The following PGM5 variants were observed in gnomAD, a reference collection of about 807,000 sequenced individuals.
PGM5 encodes phosphoglucomutase-like protein 5.
PGM5 carries 23 observed loss-of-function variants against 59.2 expected under a neutral mutation model. That is an observed-to-expected ratio of 0.39 (90% confidence interval 0.28 to 0.55). The LOEUF (loss-of-function observed/expected upper bound fraction) is 0.55. Among genes scored for constraint, PGM5 ranks in the 20% least tolerant of loss-of-function variants. The pLI, the probability that PGM5 is intolerant of heterozygous loss-of-function variation, is 0.66. For synonymous variants in PGM5, 214 were observed against 286.0 expected (o/e 0.75, Z 2.54); for missense variants, 574 against 748.3 (o/e 0.77, Z 2.72).
intron 7 of PGM5, chr9:68,466,271 T>G (rs537236710): frequency 0.011 from 3,913 of 348,618 alleles, 7 homozygotes; most frequent in Non-Finnish European, 0.015. Flanking sequence ...ATACTGTGTG[T>G]TTTTTTTTTT....
intron 7 of PGM5, among the ~76,000 whole-genome samples, chr9:68,475,385 C>A (rs1204889197): frequency 1.3e-5 from 2 of 151,682 alleles, no homozygotes; most frequent in East Asian, 1.9e-4. Flanking sequence ...GTTGTTATTG[C>A]GAAAATATTT....
At chr9:68,509,608 G>A (rs1210596848) in intron 10 of PGM5, among the ~76,000 whole-genome samples, 13 of 152,214 alleles carry the variant, frequency 8.5e-5, no homozygotes, top group African/African-American at 1.9e-4. Flanking sequence ...ACAGGGCCAC[G>A]CAGGGAAGCG....
chr9:68,499,191 T>C, intron 9 of PGM5, 36 bp from the exon 10 acceptor site: 1 of 1,611,932 alleles, frequency 6.2e-7, no homozygotes, highest in Admixed American at 1.7e-5. Flanking sequence ...TGTATTCATT[T>C]GCTCACTGCT....
At chr9:68,476,829 C>T (rs1466654198) in intron 7 of PGM5, among the ~76,000 whole-genome samples, 1 of 152,170 alleles carries the variant, frequency 6.6e-6, no homozygotes, top group African/African-American at 2.4e-5. Context: ...AACTTTATGT[C>T]CCTCTAGCAC....
chr9:68,472,837 G>A (rs1200861895), intron 7 of PGM5, among the ~76,000 whole-genome samples: 1 of 152,208 alleles, frequency 6.6e-6, no homozygotes, highest in Non-Finnish European at 1.5e-5. Context: ...TTGTGACACA[G>A]AATTATTCAC....
intron 2 of PGM5, among the ~76,000 whole-genome samples, chr9:68,380,362 G>A (rs1554678218): frequency 1.3e-5 from 2 of 151,872 alleles, no homozygotes; most frequent in African/African-American, 4.8e-5. Flanking sequence ...GGTCAAAGAA[G>A]AAATCAACAG....
chr9:68,518,563 AT>A (rs2132117542), intron 10 of PGM5, among the ~76,000 whole-genome samples: 1 of 152,368 alleles, frequency 6.6e-6, no homozygotes, highest in Admixed American at 6.5e-5. Context: ...AACTATAAAA[AT>A]ACACCAAGAT....
chr9:68,439,444 A>G (rs1209557458), intron 6 of PGM5, among the ~76,000 whole-genome samples: 1 of 146,416 alleles, frequency 6.8e-6, no homozygotes, highest in African/African-American at 2.5e-5. Flanking sequence ...AATATATATT[A>G]TATATGTAAA....
intron 3 of PGM5, among the ~76,000 whole-genome samples, chr9:68,385,945 G>C (rs1822206918): frequency 6.6e-6 from 1 of 151,724 alleles, no homozygotes; most frequent in South Asian, 2.1e-4. Context: ...TTCAAGTGTT[G>C]AGCAAAGCTT....
At chr9:68,383,001 C>T (rs1215722676) in intron 2 of PGM5, among the ~76,000 whole-genome samples, 16 of 152,012 alleles carry the variant, frequency 1.1e-4, no homozygotes, top group African/African-American at 3.4e-4. Context: ...AATGCAAAAA[C>T]GAAACAAGAC....
In PGM5 at chr9:68,520,744, G is replaced by A. The variant is rs773409978; in HGVS notation, c.1615-8823G>A. ...GGGAAGTCCTTTAATATCATAAAACGGTATTGCTAAAGAAAAAACCTGGAC... is the reference window on the plus strand; with the variant it reads ...GGGAAGTCCTTTAATATCATAAAACAGTATTGCTAAAGAAAAAACCTGGAC... On this transcript the variant is annotated intron_variant, in intron 10 of 10. Transcript: ENST00000396396. Among the ~76,000 whole-genome samples, 39 of 152,130 alleles carry A rather than the reference G, an allele frequency of 2.6e-4. 1 individual carries two copies. The highest frequency in any genetic ancestry group is 7.7e-4 in the East Asian group (4 of 5,202).
At chr9:68,456,205 G>A (rs1823771696) in intron 6 of PGM5, among the ~76,000 whole-genome samples, 2 of 151,712 alleles carry the variant, frequency 1.3e-5, no homozygotes, top group South Asian at 4.2e-4. Flanking sequence ...TAAAGTGAGT[G>A]TACCAACTTA....
At chr9:68,454,557 C>T (rs1554684645) in intron 6 of PGM5, among the ~76,000 whole-genome samples, 1 of 152,220 alleles carries the variant, frequency 6.6e-6, no homozygotes. Flanking sequence ...CCGATGCCCA[C>T]GGAGTGCTCT....
chr9:68,529,053 A>T (rs902412188), intron 10 of PGM5, among the ~76,000 whole-genome samples: 13 of 152,176 alleles, frequency 8.5e-5, no homozygotes, highest in African/African-American at 3.1e-4. Context: ...GGAAGGCATG[A>T]TCAGTCATTT....
chr9:68,482,951 T>C (rs114264160), intron 8 of PGM5, among the ~76,000 whole-genome samples: 451 of 152,366 alleles, frequency 3.0e-3, no homozygotes, highest in African/African-American at 0.01. Flanking sequence ...TTGTTACATT[T>C]AATACGCTTG....
At chr9:68,486,901 AG>A (rs1824305255) in intron 9 of PGM5, among the ~76,000 whole-genome samples, 1 of 152,332 alleles carries the variant, frequency 6.6e-6, no homozygotes, top group Middle Eastern at 3.4e-3. Flanking sequence ...ACAGTATATG[AG>A]GGTTCCAGTT....
At chr9:68,527,869 C>A (rs990266505) in intron 10 of PGM5, among the ~76,000 whole-genome samples, 1 of 152,192 alleles carries the variant, frequency 6.6e-6, no homozygotes, top group Non-Finnish European at 1.5e-5. Flanking sequence ...ACTTCAATGC[C>A]TCCCCTTGCC....
intron 7 of PGM5, among the ~76,000 whole-genome samples, chr9:68,473,893 T>C (rs1367673326): frequency 1.3e-5 from 2 of 151,990 alleles, no homozygotes; most frequent in African/African-American, 4.8e-5. Flanking sequence ...AACCCCCCCA[T>C]GTGAGCAAGG....
intron 1 of PGM5, among the ~76,000 whole-genome samples, chr9:68,363,347 G>C (rs1834617884): frequency 6.6e-6 from 1 of 152,292 alleles, no homozygotes; most frequent in Admixed American, 6.5e-5. Context: ...ACTGAATTTT[G>C]CATTTTACTT....
Sources: gnomAD v4.1 joint callset for allele counts (sites outside exome capture counted in the v4.1 genomes callset) on GRCh38, gnomAD v4.1.1 for gene constraint, MANE v1.5 for transcripts, NCBI Gene and HGNC (gene_info 2026-07-23, HGNC 2026-07-21) for gene names.